FOXRED2: variants seen among roughly 807,000 people sequenced by gnomAD.
FOXRED2 encodes FAD-dependent oxidoreductase domain-containing protein 2.
FOXRED2 carries 32 observed loss-of-function variants against 52.5 expected under a neutral mutation model. That is an observed-to-expected ratio of 0.61 (90% CI 0.46 to 0.82). The LOEUF is 0.82. FOXRED2 is among the 40% of genes least tolerant of loss of function. The probability of loss-of-function intolerance (pLI) is 0.00; values close to 1 mark genes in which losing one functional copy is unlikely to be tolerated. For missense variants in FOXRED2, 848 were observed against 937.5 expected, an observed-to-expected ratio of 0.90 and a Z score of 1.25; for synonymous variants, 405 against 398.1, an observed-to-expected ratio of 1.02 and a Z score of -0.21.
intron 4 of FOXRED2, among the ~76,000 whole-genome samples, chr22:36,502,131 T>C (rs1422406286): frequency 2.6e-5 from 4 of 152,012 alleles, no homozygotes; most frequent in Non-Finnish European, 4.4e-5. Flanking sequence ...ATTATGCCAT[T>C]GCACTCCAGC....
chr22:36,500,649 T>C (rs1331436335), intron 5 of FOXRED2, among the ~76,000 whole-genome samples: 2 of 150,016 alleles, frequency 1.3e-5, no homozygotes, highest in Non-Finnish European at 3.0e-5. Flanking sequence ...AATGGTGCGA[T>C]CTCAGCTCAC....
In FOXRED2 at chr22:36,489,639, C is replaced by T. The variant is rs779583787; in HGVS notation, c.*369G>A. On this transcript the variant is annotated 3_prime_UTR_variant, in exon 9 of 9. Coordinates refer to ENST00000397224, the MANE Select transcript of FOXRED2 (RefSeq NM_001102371.2). ...GCGGATGGGTTTCCCCTGTGAAGCA[C>T]TCCACAGGCGGGATGCAGGCCCATC... 5.1e-6 allele frequency: 1 copy of T among 197,152 alleles called. No homozygotes were observed. The highest frequency in any genetic ancestry group is 1.0e-5 in the Non-Finnish European group (1 of 97,904). The allele number at this position is 197,152 out of a possible 1,614,324, so 12.2% of individuals were successfully genotyped here. A position where few individuals can be genotyped will look rare whatever the true frequency, so the allele number is the denominator to read the frequency against.
chr22:36,500,646 C>T (rs1363648162), intron 5 of FOXRED2, among the ~76,000 whole-genome samples: 2 of 140,004 alleles, frequency 1.4e-5, no homozygotes, highest in African/African-American at 2.7e-5. Context: ...TGCAATGGTG[C>T]GATCTCAGCT....
chr22:36,496,262 G>A, intron 6 of FOXRED2, 54 bp from the exon 7 acceptor site: 2 of 1,606,856 alleles, frequency 1.2e-6, no homozygotes, highest in Non-Finnish European at 8.5e-7. Flanking sequence ...GAGGTGAGGG[G>A]TGCAGCCCGG....
At position 36,504,704 on chromosome 22, in the gene FOXRED2, T is replaced by A; in HGVS notation, c.590A>T (p.Tyr197Phe). The A allele has an allele frequency of 6.2e-7, 1 of 1,614,102 alleles. No individual in the cohort carries two copies. The highest frequency in any genetic ancestry group is 1.7e-5 in the Admixed American group (1 of 60,004). ...PNQVDFPGSEYAEGYESVSVD... is the reference protein window; with the variant it reads ...PNQVDFPGSEFAEGYESVSVD... ...GGACACGGACTCGTAACCCTCTGCA[T>A]ATTCGGAGCCAGGGAAGTCAACCTG... The change falls in exon 3 of 9, where the codon TAT becomes TTT. Residue 197 changes from tyrosine (Y) to phenylalanine (F), a missense_variant. Tyr to Phe is a conservative substitution (Grantham distance 22). Transcript: ENST00000397224.
intron 5 of FOXRED2, among the ~76,000 whole-genome samples, chr22:36,501,027 C>T (rs1285146470): frequency 6.6e-6 from 1 of 152,124 alleles, no homozygotes; most frequent in Non-Finnish European, 1.5e-5. Flanking sequence ...GTAGCTAGGA[C>T]TACAGGCGTG....
chr22:36,502,149 A>G (rs1188284442), intron 4 of FOXRED2, among the ~76,000 whole-genome samples: 1 of 151,766 alleles, frequency 6.6e-6, no homozygotes, highest in Non-Finnish European at 1.5e-5. Context: ...AGCCTGGGCA[A>G]CAGAGTAAGA....
chr22:36,502,010 CAAA>C (rs1221406691), intron 4 of FOXRED2, among the ~76,000 whole-genome samples: 1 of 151,934 alleles, frequency 6.6e-6, no homozygotes, highest in East Asian at 1.9e-4. Context: ...TGAAAAAATA[CAAA>C]AAGAGTTAGC....
At chr22:36,496,932 G>C (rs1933915420) in intron 6 of FOXRED2, among the ~76,000 whole-genome samples, 1 of 152,196 alleles carries the variant, frequency 6.6e-6, no homozygotes, top group Non-Finnish European at 1.5e-5. Context: ...TGTAATCTCA[G>C]CACTTTGGGA....
intron 4 of FOXRED2, among the ~76,000 whole-genome samples, 165 bp downstream of exon 4, chr22:36,503,933 G>C (rs977107159): frequency 6.6e-6 from 1 of 152,216 alleles, no homozygotes; most frequent in Non-Finnish European, 1.5e-5. Flanking sequence ...ACCCTCAATG[G>C]TCAGAGCTCA....
Position 36,505,909 on chromosome 22 carries a change from C to G in FOXRED2, c.514G>C (p.Val172Leu). ...CACCGGCCTTACCTGCACTGATGCA[C>G]CTGGCCCTTCTGGTCAGTTAGGATG... is the stretch of plus-strand genomic sequence containing the variant. ...YFILTDQKGQ[V>L]HQCSVLFVAT... The change falls in exon 2 of 9, where the codon GTG (valine) becomes CTG (leucine). Residue 172 changes from valine to leucine, a missense_variant. Physicochemically the swap from Val to Leu is conservative, Grantham distance 32. Transcript: ENST00000397224. 1.2e-6 allele frequency: 2 copies of G among 1,612,814 alleles called. No homozygotes were observed. The highest frequency in any genetic ancestry group is 1.7e-5 in the Admixed American group (1 of 60,012).
chr22:36,499,269 T>A (rs1313033854), intron 5 of FOXRED2, among the ~76,000 whole-genome samples: 1 of 152,134 alleles, frequency 6.6e-6, no homozygotes, highest in Non-Finnish European at 1.5e-5. Context: ...ATTGAATGTC[T>A]TTGAGTGGCA....
chr22:36,490,187 C>G lies in FOXRED2; in HGVS notation c.1876G>C (p.Val626Leu), dbSNP rs574199259. The change falls in exon 9 of 9, where the codon GTG (valine) becomes CTG (leucine). Residue 626 changes from valine (V) to leucine (L), a missense_variant. Transcript: ENST00000397224. Reference protein sequence around the residue: ...QQGYLRMQGLVSTESLWQHRV... With the variant: ...QQGYLRMQGLLSTESLWQHRV... ...TGCTGCCAAAGGCTCTCGGTACTCA[C>G]GAGTCCCTGCATCCTCAGGTACCCC... 8 of 1,613,954 alleles carry G rather than the reference C, an allele frequency of 5.0e-6. No homozygotes were observed. Among genetic ancestry groups the G allele is most frequent in the African/African-American group, 1.3e-5 (1 of 74,944 alleles).
Position 36,495,859 on chromosome 22 carries a change from C to A in FOXRED2, c.1624+108G>T. The A allele has an allele frequency of 4.7e-6, 6 of 1,278,628 alleles. No homozygotes were observed. In the Admixed American group the frequency reaches 1.1e-4, roughly 24 times the overall value. 79.2% of individuals were successfully genotyped at this position (1,278,628 alleles called of 1,614,324 possible). The stretch of plus-strand genomic sequence containing the variant: ...CTCTAGGCAGAGTCCCGCAGCCATC[C>A]CACCTGTCAGCTGAGCATGTGTGTG... On this transcript the variant is annotated intron_variant, in intron 7 of 8. Coordinates refer to ENST00000397224, the MANE Select transcript of FOXRED2 (RefSeq NM_001102371.2).
chr22:36,501,569 T>C (rs1473688475), intron 4 of FOXRED2, among the ~76,000 whole-genome samples, 162 bp from the exon 5 acceptor site: 1 of 152,130 alleles, frequency 6.6e-6, no homozygotes, highest in Non-Finnish European at 1.5e-5. Context: ...CAAACTATTA[T>C]CCTGCCTGAG....
At chr22:36,501,220 T>G (rs1568990905) in intron 5 of FOXRED2, 21 bp downstream of exon 5, 3 of 1,612,882 alleles carry the variant, frequency 1.9e-6, no homozygotes, top group Non-Finnish European at 2.5e-6. Flanking sequence ...GGGACAGTTC[T>G]GCCTTCTCAG....
rs1933704415 is a variant in FOXRED2 at position 36,489,930 on chromosome 22, G to A, written c.*78C>T. ...AATCACGCATTGGCGGGAGTGTGAG[G>A]TTGCGGGGAAAGAGGGACTGACCAT... On this transcript the variant is annotated 3_prime_UTR_variant, in exon 9 of 9. Transcript: ENST00000397224. The A allele has an allele frequency of 7.1e-7, 1 of 1,405,116 alleles. No homozygotes were observed. The highest frequency in any genetic ancestry group is 9.5e-7 in the Non-Finnish European group (1 of 1,047,934). 87.0% of individuals were successfully genotyped at this position (1,405,116 alleles called of 1,614,324 possible).
intron 2 of FOXRED2, among the ~76,000 whole-genome samples, chr22:36,505,610 A>G (rs879278551): frequency 4.6e-5 from 7 of 152,088 alleles, no homozygotes; most frequent in African/African-American, 1.7e-4. Context: ...CTCCACCAAA[A>G]ATATAAAAAA....
intron 4 of FOXRED2, among the ~76,000 whole-genome samples, chr22:36,502,551 G>C (rs900531856): frequency 1.3e-5 from 2 of 152,080 alleles, no homozygotes; most frequent in Non-Finnish European, 2.9e-5. Context: ...CATGATCATA[G>C]CACACTGTAG....
Sources: gnomAD v4.1 joint callset for allele counts (sites outside exome capture counted in the v4.1 genomes callset) on GRCh38, gnomAD v4.1.1 for gene constraint, MANE v1.5 for transcripts, NCBI Gene and HGNC (gene_info 2026-07-23, HGNC 2026-07-21) for gene names.